Variants in NRCAM observed in about 807,000 individuals in gnomAD.
NRCAM encodes the protein neuronal cell adhesion molecule.
Under a neutral mutation model 156.5 loss-of-function variants are expected in NRCAM, and 83 were observed. The ratio of observed to expected loss-of-function variants is 0.53; its 90% CI spans 0.44 to 0.64. NRCAM has a LOEUF of 0.64. Ranked by LOEUF, NRCAM falls within the 30% of genes least tolerant of loss-of-function variation. The pLI is 0.00. For missense variants in NRCAM, 1,417 were observed against 1,597.3 expected (o/e 0.89, Z 1.92); for synonymous variants, 538 against 563.9 (o/e 0.95, Z 0.65).
chr7:108,289,790 A>C (rs529943607), intron 3 of NRCAM, among the ~76,000 whole-genome samples: 1 of 152,262 alleles, frequency 6.6e-6, no homozygotes, highest in Non-Finnish European at 1.5e-5. Flanking sequence ...GCATCAGCAT[A>C]AACTGGAAAC....
chr7:108,420,622 T>G (rs1187380568), intron 1 of NRCAM, among the ~76,000 whole-genome samples: 1 of 152,212 alleles, frequency 6.6e-6, no homozygotes, highest in Non-Finnish European at 1.5e-5. Flanking sequence ...ATTACTCATT[T>G]TACACTTATT....
chr7:108,245,756 G>A (rs1221368917), intron 3 of NRCAM, among the ~76,000 whole-genome samples: 1 of 152,114 alleles, frequency 6.6e-6, no homozygotes, highest in East Asian at 1.9e-4. Flanking sequence ...AAAAGCTTTT[G>A]GGACACTGAC....
intron 28 of NRCAM, among the ~76,000 whole-genome samples, chr7:108,171,290 C>G (rs1207090841): frequency 6.6e-6 from 1 of 152,110 alleles, no homozygotes; most frequent in African/African-American, 2.4e-5. Context: ...TCTTATCTAG[C>G]CACTTCTCTG....
At chr7:108,166,640 A>G (rs963475059) in intron 30 of NRCAM, among the ~76,000 whole-genome samples, 1 of 152,242 alleles carries the variant, frequency 6.6e-6, no homozygotes, top group Admixed American at 6.5e-5. Flanking sequence ...ATGTGATATG[A>G]ACAATTGAAT....
chr7:108,372,094 G>A (rs2099632167), intron 2 of NRCAM, among the ~76,000 whole-genome samples: 1 of 151,960 alleles, frequency 6.6e-6, no homozygotes, highest in African/African-American at 2.4e-5. Flanking sequence ...TTCAACAAAG[G>A]TGCAAAGAAT....
chr7:108,427,958 T>C (rs1300939385), intron 1 of NRCAM, among the ~76,000 whole-genome samples: 4 of 152,110 alleles, frequency 2.6e-5, no homozygotes, highest in African/African-American at 9.7e-5. Context: ...ATTAGGAAAA[T>C]GAAATATCTC....
intron 1 of NRCAM, among the ~76,000 whole-genome samples, chr7:108,452,143 T>G (rs1236589787): frequency 1.3e-5 from 2 of 152,182 alleles, no homozygotes. Flanking sequence ...ATTTGTCAAT[T>G]CATTTTGGTA....
At chr7:108,276,713 T>C (rs2097643102) in intron 3 of NRCAM, among the ~76,000 whole-genome samples, 2 of 152,256 alleles carry the variant, frequency 1.3e-5, no homozygotes. Flanking sequence ...TGTCTTTTAA[T>C]TTGGGCATTT....
rs145896203 is a variant in NRCAM at position 108,221,760 on chromosome 7, C to T, written c.890+1965G>A. On this transcript the variant is annotated intron_variant, in intron 11 of 32. Coordinates refer to ENST00000379028, the MANE Select transcript of NRCAM (RefSeq NM_001037132.4). ...CAAATAGAGTACAGCGTATATTGTT[C>T]GGGTGATGGGTGCACCAAAATCTCA... is the stretch of plus-strand genomic sequence containing the variant. 1.8e-3 allele frequency among the ~76,000 whole-genome samples: 274 copies of T among 152,074 alleles called. 1 individual carries two copies. The highest frequency in any genetic ancestry group is 6.2e-3 in the African/African-American group (259 of 41,462).
At chr7:108,443,680 T>C (rs139904620) in intron 1 of NRCAM, among the ~76,000 whole-genome samples, 29 of 152,324 alleles carry the variant, frequency 1.9e-4, no homozygotes, top group African/African-American at 5.5e-4. Context: ...TTACACTTGA[T>C]GGAGGCAGCA....
At chr7:108,267,187 A>G (rs924056975) in intron 3 of NRCAM, among the ~76,000 whole-genome samples, 2 of 152,220 alleles carry the variant, frequency 1.3e-5, no homozygotes, top group Admixed American at 6.5e-5. Flanking sequence ...CTAGAAGGAA[A>G]CACTTTCTCT....
chr7:108,444,882 C>A (rs961888686), intron 1 of NRCAM, among the ~76,000 whole-genome samples: 24 of 152,164 alleles, frequency 1.6e-4, no homozygotes, highest in African/African-American at 2.4e-5. Context: ...TCTGTGTCGA[C>A]AGAGTCCAGG....
chr7:108,224,189 C>A (rs1236421778), intron 10 of NRCAM, among the ~76,000 whole-genome samples: 2 of 151,916 alleles, frequency 1.3e-5, no homozygotes, highest in African/African-American at 4.8e-5. Context: ...ACTACATTTC[C>A]CTTAGGATTA....
At chr7:108,243,592 C>G (rs1478140347) in intron 3 of NRCAM, among the ~76,000 whole-genome samples, 1 of 152,098 alleles carries the variant, frequency 6.6e-6, no homozygotes, top group African/African-American at 2.4e-5. Context: ...GATTTTTAAT[C>G]AAGGCTAAGG....
intron 3 of NRCAM, among the ~76,000 whole-genome samples, chr7:108,256,552 C>T (rs2096672017): frequency 6.6e-6 from 1 of 151,564 alleles, no homozygotes; most frequent in East Asian, 1.9e-4. Context: ...ATCTGCTGAC[C>T]TTCCCTCCAC....
chr7:108,360,818 C>T (rs1474581278), intron 2 of NRCAM, among the ~76,000 whole-genome samples: 1 of 152,154 alleles, frequency 6.6e-6, no homozygotes, highest in South Asian at 2.1e-4. Context: ...TAGAACCCTA[C>T]CTCAAGCCAC....
chr7:108,452,057 T>C (rs966077476), intron 1 of NRCAM, among the ~76,000 whole-genome samples: 3 of 152,246 alleles, frequency 2.0e-5, no homozygotes, highest in Non-Finnish European at 2.9e-5. Flanking sequence ...GGATTTACAG[T>C]TGCTGACGCT....
intron 1 of NRCAM, among the ~76,000 whole-genome samples, chr7:108,418,543 A>T (rs1299226241): frequency 6.8e-6 from 1 of 147,168 alleles, no homozygotes; most frequent in Non-Finnish European, 1.5e-5. Flanking sequence ...GAGGTCTTTT[A>T]TCTGGTATAC....
intron 3 of NRCAM, among the ~76,000 whole-genome samples, chr7:108,281,222 AGTT>A (rs2097847881): frequency 6.6e-6 from 1 of 152,176 alleles, no homozygotes; most frequent in Non-Finnish European, 1.5e-5. Context: ...TCAATTATAT[AGTT>A]GTTTACATAT....
Sources: allele counts gnomAD v4.1 joint callset (sites outside exome capture counted in the v4.1 genomes callset), GRCh38; gene constraint gnomAD v4.1.1; transcripts MANE v1.5; gene names NCBI Gene and HGNC (gene_info 2026-07-23, HGNC 2026-07-21).